UBE2E2: variants seen among roughly 807,000 people sequenced by gnomAD.
The protein encoded by UBE2E2 is ubiquitin conjugating enzyme E2 E2.
In UBE2E2, 6 loss-of-function variants were observed where a neutral mutation model predicts 24.7. The observed-to-expected ratio is 0.24, with a 90% confidence interval of 0.13 to 0.48. UBE2E2 has a LOEUF of 0.48. UBE2E2 is among the 20% of genes least tolerant of loss of function. UBE2E2 has a pLI of 0.99. For synonymous variants in UBE2E2, 104 were observed against 83.6 expected (o/e 1.24, Z -1.33); for missense variants, 169 against 245.0 (o/e 0.69, Z 2.07).
intron 1 of UBE2E2, among the ~76,000 whole-genome samples, chr3:23,205,619 A>G (rs932133861): frequency 6.6e-6 from 1 of 152,194 alleles, no homozygotes; most frequent in African/African-American, 2.4e-5. Flanking sequence ...TTATTTCTAA[A>G]AGTTCCTATA....
At chr3:23,361,659 G>A (rs549638888) in intron 3 of UBE2E2, among the ~76,000 whole-genome samples, 63 of 152,196 alleles carry the variant, frequency 4.1e-4, no homozygotes, top group Non-Finnish European at 7.9e-4. Context: ...TGGTATGGAT[G>A]TTGGGGACTC....
intron 5 of UBE2E2, among the ~76,000 whole-genome samples, chr3:23,543,187 A>G (rs936465558): frequency 1.3e-5 from 2 of 152,220 alleles, no homozygotes; most frequent in South Asian, 2.1e-4. Flanking sequence ...TCTATTCAAC[A>G]TAGTACCAGA....
intron 3 of UBE2E2, among the ~76,000 whole-genome samples, chr3:23,239,635 A>G (rs1697206876): frequency 1.3e-5 from 2 of 152,204 alleles, no homozygotes; most frequent in Admixed American, 1.3e-4. Context: ...TGGGAGGTTT[A>G]AGAGATTCCA....
intron 3 of UBE2E2, among the ~76,000 whole-genome samples, chr3:23,375,297 A>C (rs1437808694): frequency 3.9e-5 from 6 of 152,184 alleles, no homozygotes; most frequent in African/African-American, 1.4e-4. Flanking sequence ...TGCTAACCAA[A>C]CTCACAAGAG....
At chr3:23,285,250 G>A (rs536414357) in intron 3 of UBE2E2, among the ~76,000 whole-genome samples, 6 of 152,230 alleles carry the variant, frequency 3.9e-5, no homozygotes, top group Admixed American at 1.3e-4. Flanking sequence ...CGTTGTGTAT[G>A]TGTCCATTTT....
chr3:23,434,613 C>T (rs1019633438), intron 3 of UBE2E2, among the ~76,000 whole-genome samples: 13 of 151,890 alleles, frequency 8.6e-5, no homozygotes, highest in African/African-American at 3.1e-4. Flanking sequence ...TATAATTTTC[C>T]TCTCTGTAAA....
rs554356514 is a variant in UBE2E2 at position 23,324,865 on chromosome 3, T to A, written c.227+107553T>A. On this transcript the variant is annotated intron_variant, in intron 3 of 5. Coordinates refer to ENST00000396703, the MANE Select transcript of UBE2E2 (RefSeq NM_152653.4). Reference sequence around the variant, plus strand: ...TATTTTGTTTTGTTAAATAGTGTGTTATATAATGAATAGTGGAATTGGGTT... The same window carrying A: ...TATTTTGTTTTGTTAAATAGTGTGTAATATAATGAATAGTGGAATTGGGTT... Among the ~76,000 whole-genome samples, 28 of 152,262 alleles carry A rather than the reference T, an allele frequency of 1.8e-4. No individual in the cohort carries two copies. In the South Asian group the frequency reaches 4.8e-3, roughly 26 times the overall value.
At chr3:23,244,190 A>G (rs906690851) in intron 3 of UBE2E2, among the ~76,000 whole-genome samples, 13 of 152,052 alleles carry the variant, frequency 8.5e-5, no homozygotes, top group Admixed American at 2.6e-4. Context: ...GTTTAGGTTT[A>G]AAAAGAAACA....
At chr3:23,268,184 T>TA (rs1487300132) in intron 3 of UBE2E2, among the ~76,000 whole-genome samples, 1 of 149,484 alleles carries the variant, frequency 6.7e-6, no homozygotes, top group Non-Finnish European at 1.5e-5. Context: ...CTATTCAACA[T>TA]AGTGTTGGAA....
At chr3:23,290,135 C>G (rs1369912085) in intron 3 of UBE2E2, among the ~76,000 whole-genome samples, 1 of 152,234 alleles carries the variant, frequency 6.6e-6, no homozygotes, top group Non-Finnish European at 1.5e-5. Flanking sequence ...TGTCTACACA[C>G]ACACACATAC....
At chr3:23,420,623 T>C (rs1215264061) in intron 3 of UBE2E2, among the ~76,000 whole-genome samples, 1 of 152,248 alleles carries the variant, frequency 6.6e-6, no homozygotes, top group African/African-American at 2.4e-5. Flanking sequence ...TTGTAACTTC[T>C]AAGACAAGGC....
chr3:23,442,627 T>G (rs373621528), intron 3 of UBE2E2, among the ~76,000 whole-genome samples: 18 of 152,308 alleles, frequency 1.2e-4, no homozygotes, highest in East Asian at 7.7e-4. Context: ...AAAGCCTGTT[T>G]TATGAGCTTT....
chr3:23,353,595 G>C (rs1695833129), intron 3 of UBE2E2, among the ~76,000 whole-genome samples: 1 of 152,084 alleles, frequency 6.6e-6, no homozygotes, highest in African/African-American at 2.4e-5. Flanking sequence ...ACCAATAGCA[G>C]ACAAACAGAG....
At chr3:23,445,582 A>G (rs1001048318) in intron 3 of UBE2E2, among the ~76,000 whole-genome samples, 3 of 152,202 alleles carry the variant, frequency 2.0e-5, no homozygotes, top group East Asian at 3.8e-4. Context: ...CTGCAGTGCA[A>G]CAGCAGTTCA....
At chr3:23,388,373 ATTGT>A (rs1039335591) in intron 3 of UBE2E2, among the ~76,000 whole-genome samples, 4 of 152,130 alleles carry the variant, frequency 2.6e-5, no homozygotes, top group African/African-American at 9.7e-5. Context: ...GCTAATTAAT[ATTGT>A]TTGTTCTCTT....
At chr3:23,292,366 T>A (rs1698792498) in intron 3 of UBE2E2, among the ~76,000 whole-genome samples, 1 of 152,222 alleles carries the variant, frequency 6.6e-6, no homozygotes, top group Admixed American at 6.5e-5. Flanking sequence ...ATTCGTTATG[T>A]ACCTTTCTGC....
intron 4 of UBE2E2, among the ~76,000 whole-genome samples, chr3:23,501,586 A>C (rs73140544): frequency 0.17 from 26,521 of 152,162 alleles, 2,466 homozygotes; most frequent in East Asian, 0.23. Flanking sequence ...TGGTAAAAAT[A>C]GGGCGTGGGA....
intron 3 of UBE2E2, among the ~76,000 whole-genome samples, chr3:23,450,228 A>G (rs979187061): frequency 2.6e-5 from 4 of 152,202 alleles, no homozygotes; most frequent in East Asian, 1.9e-4. Flanking sequence ...TAGTGAAACA[A>G]TCTGTTCATA....
intron 5 of UBE2E2, among the ~76,000 whole-genome samples, chr3:23,562,564 C>T (rs1265976826): frequency 1.3e-5 from 2 of 152,150 alleles, no homozygotes; most frequent in Non-Finnish European, 2.9e-5. Flanking sequence ...GCTTTGGTAT[C>T]AGGATGATGC....
Sources: allele counts gnomAD v4.1 joint callset (sites outside exome capture counted in the v4.1 genomes callset), GRCh38; gene constraint gnomAD v4.1.1; transcripts MANE v1.5; gene names NCBI Gene and HGNC (gene_info 2026-07-23, HGNC 2026-07-21).